ENTREP2: variants seen among roughly 807,000 people sequenced by gnomAD.
ENTREP2 encodes endosomal transmembrane epsin interactor 2.
chr15:29,632,619 TA>T, the ENTREP2 span, among the ~76,000 whole-genome samples: 475 of 151,902 alleles, frequency 3.1e-3, 3 homozygotes, highest in African/African-American at 0.011. Context: ...CTGTTTCTAC[TA>T]AAAAAAATGC....
the ENTREP2 span, among the ~76,000 whole-genome samples, chr15:29,555,753 G>T: frequency 1.3e-5 from 2 of 152,238 alleles, no homozygotes; most frequent in Non-Finnish European, 2.9e-5. Flanking sequence ...CCCTCTGAGA[G>T]TTGCATCCTT....
At chr15:29,622,360 C>G in the ENTREP2 span, among the ~76,000 whole-genome samples, 1 of 152,084 alleles carries the variant, frequency 6.6e-6, no homozygotes, top group Admixed American at 6.6e-5. Flanking sequence ...TGCCCATGAC[C>G]ACGCCCGGCT....
chr15:29,336,090 C>T, the ENTREP2 span, among the ~76,000 whole-genome samples: 10 of 130,434 alleles, frequency 7.7e-5, no homozygotes, highest in African/African-American at 2.3e-4. Context: ...TGCAGTGAGC[C>T]GAGATCACGC....
the ENTREP2 span, among the ~76,000 whole-genome samples, chr15:29,611,800 G>GGTA: frequency 6.6e-6 from 1 of 152,138 alleles, no homozygotes; most frequent in Admixed American, 6.5e-5. Flanking sequence ...GCCCTTCTCT[G>GGTA]GTACAGGAAT....
At chr15:29,298,942 T>C in the ENTREP2 span, among the ~76,000 whole-genome samples, 2 of 152,050 alleles carry the variant, frequency 1.3e-5, no homozygotes, top group Non-Finnish European at 2.9e-5. Context: ...CTCATGAACA[T>C]AAATGCAAAG....
chr15:29,511,631 G>A, the ENTREP2 span, among the ~76,000 whole-genome samples: 98 of 151,796 alleles, frequency 6.5e-4, no homozygotes, highest in Non-Finnish European at 1.3e-3. Flanking sequence ...CCGACTGAGA[G>A]TGTCAGAGAT....
the ENTREP2 span, among the ~76,000 whole-genome samples, chr15:29,508,772 A>G: frequency 1.3e-5 from 2 of 152,236 alleles, no homozygotes; most frequent in East Asian, 1.9e-4. Context: ...AGAGCTATTT[A>G]TGACAAACCC....
chr15:29,312,906 A>T, the ENTREP2 span, among the ~76,000 whole-genome samples: 1 of 152,250 alleles, frequency 6.6e-6, no homozygotes, highest in Non-Finnish European at 1.5e-5. Flanking sequence ...GCCAAAAGCT[A>T]GGCCTCTTGC....
chr15:29,378,657 G>A, the ENTREP2 span, among the ~76,000 whole-genome samples: 5 of 152,122 alleles, frequency 3.3e-5, no homozygotes, highest in Admixed American at 6.6e-5. Flanking sequence ...TCTCCAGCCT[G>A]CGGGCCAGCA....
chr15:29,643,147 C>A, the ENTREP2 span, among the ~76,000 whole-genome samples: 1 of 151,470 alleles, frequency 6.6e-6, no homozygotes, highest in Non-Finnish European at 1.5e-5. Context: ...GCACAAGAAG[C>A]AAAACCAAAA....
the ENTREP2 span, among the ~76,000 whole-genome samples, chr15:29,380,628 C>T: frequency 6.6e-6 from 1 of 152,186 alleles, no homozygotes; most frequent in South Asian, 2.1e-4. Context: ...AAACCATTAA[C>T]CTCTCTCCAT....
chr15:29,570,144 C>CGCCTCG, the ENTREP2 span, among the ~76,000 whole-genome samples: 156 of 151,434 alleles, frequency 1.0e-3, no homozygotes, highest in Non-Finnish European at 2.0e-3. Context: ...CCCACCTCCT[C>CGCCTCG]GCCTCGGCCG....
chr15:29,652,776 G>A, the ENTREP2 span, among the ~76,000 whole-genome samples: 91 of 152,316 alleles, frequency 6.0e-4, no homozygotes, highest in Non-Finnish European at 3.7e-4. Context: ...TGTGTGCAGC[G>A]GCCGGACTCC....
the ENTREP2 span, among the ~76,000 whole-genome samples, chr15:29,630,085 C>T: frequency 6.6e-5 from 10 of 152,004 alleles, no homozygotes; most frequent in Non-Finnish European, 1.5e-4. Flanking sequence ...CACCGCACTC[C>T]GGCCCGGGTG....
chr15:29,633,753 G>C, the ENTREP2 span, among the ~76,000 whole-genome samples: 1 of 151,832 alleles, frequency 6.6e-6, no homozygotes, highest in Admixed American at 6.6e-5. Flanking sequence ...CTGAGCTCGG[G>C]AGTTCAACAC....
At chr15:29,277,382 G>A in the ENTREP2 span, among the ~76,000 whole-genome samples, 1 of 151,832 alleles carries the variant, frequency 6.6e-6, no homozygotes, top group African/African-American at 2.4e-5. Flanking sequence ...TAATCAATCT[G>A]GTGATTTACC....
At chr15:29,628,521 T>C in the ENTREP2 span, among the ~76,000 whole-genome samples, 1 of 152,228 alleles carries the variant, frequency 6.6e-6, no homozygotes, top group Non-Finnish European at 1.5e-5. Context: ...TCGATGTCCA[T>C]TAGATCATGT....
the ENTREP2 span, among the ~76,000 whole-genome samples, chr15:29,564,979 T>C: frequency 4.6e-5 from 7 of 152,204 alleles, no homozygotes; most frequent in East Asian, 3.9e-4. Flanking sequence ...CTGAAGGGCA[T>C]AAAACAAGGA....
chr15:29,135,568 G>T, the ENTREP2 span, among the ~76,000 whole-genome samples: 10 of 152,264 alleles, frequency 6.6e-5, no homozygotes, highest in East Asian at 5.8e-4. The surrounding 1 kb of genome is among the most constrained non-coding windows in gnomAD (Gnocchi z 7.4). Context: ...TGACTGACTT[G>T]CTGAATTCAG....
Sources: gnomAD v4.1 joint callset for allele counts (sites outside exome capture counted in the v4.1 genomes callset) on GRCh38, gnomAD v4.1.1 for gene constraint, Gnocchi (gnomAD v3.1) non-coding constraint, MANE v1.5 for transcripts, NCBI Gene and HGNC (gene_info 2026-07-23, HGNC 2026-07-21) for gene names.